Variants in FOXM1 observed in about 807,000 individuals in gnomAD.
The protein encoded by FOXM1 is forkhead box M1.
In FOXM1, 25 loss-of-function variants were observed where a neutral mutation model predicts 63.6. That is an observed-to-expected ratio of 0.39 (90% CI 0.29 to 0.55). The LOEUF is 0.55. FOXM1 is among the 20% of genes least tolerant of loss of function. The pLI, the probability that FOXM1 is intolerant of heterozygous loss-of-function variation, is 0.60. For missense variants in FOXM1, 879 were observed against 958.7 expected (o/e 0.92, Z 1.10); for synonymous variants, 387 against 376.9 (o/e 1.03, Z -0.31).
chr12:2,860,894 C>T (rs1457460033), intron 8 of FOXM1, among the ~76,000 whole-genome samples: 14 of 145,640 alleles, frequency 9.6e-5, no homozygotes, highest in African/African-American at 3.4e-4. Flanking sequence ...ACAGGCTGGG[C>T]GTGGTGGCTT....
intron 3 of FOXM1, 60 bp from the exon 4 acceptor site, chr12:2,868,814 AG>A: frequency 7.2e-7 from 1 of 1,382,110 alleles, no homozygotes; most frequent in Admixed American, 2.1e-5. Flanking sequence ...CCCCAACCCA[AG>A]CCCTTGAAGA....
intron 1 of FOXM1, among the ~76,000 whole-genome samples, chr12:2,875,243 T>A (rs1357130337): frequency 6.6e-6 from 1 of 152,188 alleles, no homozygotes; most frequent in Non-Finnish European, 1.5e-5. Context: ...TCTGCCCGCC[T>A]CGGCCTCCCA....
chr12:2,870,957 C>CAAAAAAAAAAAAAA (rs11310343), intron 3 of FOXM1, among the ~76,000 whole-genome samples: 7 of 39,124 alleles, frequency 1.8e-4, no homozygotes, highest in African/African-American at 6.2e-4. Flanking sequence ...GACTACGTCT[C>CAAAAAAAAAAAAAA]AAAAAAAAAA....
rs1487889563 is a variant in FOXM1 at position 2,859,054 on chromosome 12, G to T, written c.1876C>A (p.Leu626Ile). ...VLPRTPESWRLTPPAKVGGLD... is the reference protein window; with the variant it reads ...VLPRTPESWRITPPAKVGGLD... ...CCCCCTACTTTGGCTGGGGGCGTGA[G>T]CCTCCAGGATTCAGGGGTTCTGGGG... The change falls in exon 9 of 9, where the codon CTC becomes ATC. Residue 626 changes from leucine (L) to isoleucine (I), a missense_variant. Leu to Ile is a conservative substitution (Grantham distance 5). Around this residue, in one of 4 missense-constraint regions of FOXM1, gnomAD observed 486 missense variants for 453.5 expected, o/e 1.07. Coordinates refer to ENST00000359843, the MANE Select transcript of FOXM1 (RefSeq NM_021953.4). The T allele has an allele frequency of 6.2e-7, 1 of 1,608,736 alleles. No homozygotes were observed. The highest frequency in any genetic ancestry group is 1.7e-5 in the Admixed American group (1 of 59,628).
At chr12:2,862,008 A>G (rs1010135664) in intron 8 of FOXM1, among the ~76,000 whole-genome samples, 2 of 151,962 alleles carry the variant, frequency 1.3e-5, no homozygotes, top group Admixed American at 6.6e-5. Flanking sequence ...GTGAAACCCC[A>G]TCTCTACTAA....
At chr12:2,869,265 A>T (rs28990697) in intron 3 of FOXM1, among the ~76,000 whole-genome samples, 10,936 of 152,026 alleles carry the variant, frequency 0.072, 1,299 homozygotes, top group African/African-American at 0.25. Context: ...GAGCTGATCA[A>T]TCACATTTCT....
chr12:2,866,621 G>T, intron 4 of FOXM1, 100 bp from the exon 5 acceptor site: 1 of 1,290,268 alleles, frequency 7.8e-7, no homozygotes, highest in Non-Finnish European at 1.0e-6. Context: ...CTCCCACTGT[G>T]CTCAGCACAG....
Position 2,865,358 on chromosome 12 carries a change from T to C in FOXM1, c.1017A>G (p.Glu339=). ...AGCCAGAGGGAAAGAACCTTACTGA[T>C]TCCAAGTGCTCGGGCAATTGTGGAG... The part of the protein sequence containing the change: ...PGSPQLPEHL[E]SQQKRPNPEL... Residue 339 remains glutamate, a synonymous_variant, in exon 6 of 9, where the codon GAA becomes GAG. Transcript: ENST00000359843. 1 of 1,610,550 alleles carries C rather than the reference T, an allele frequency of 6.2e-7. No homozygotes were observed. Among genetic ancestry groups the C allele is most frequent in the Non-Finnish European group, 8.5e-7 (1 of 1,178,156 alleles).
chr12:2,863,497 T>G lies in FOXM1; in HGVS notation c.1266+823A>C, dbSNP rs28990719. Among the ~76,000 whole-genome samples, 5 of 151,640 alleles carry G rather than the reference T, an allele frequency of 3.3e-5. No individual in the cohort carries two copies. The East Asian group carries it at 9.8e-4, about 30-fold the overall frequency. On this transcript the variant is annotated intron_variant, in intron 8 of 8. Coordinates refer to ENST00000359843, the MANE Select transcript of FOXM1 (RefSeq NM_021953.4). ...TCAACCTCCTGGACTCAAGTGATCC[T>G]TCTGCCTCAGCCTCCTGAGTAGCTG...
chr12:2,873,928 C>T (rs1565478774), intron 2 of FOXM1, 49 bp downstream of exon 2: 1 of 1,564,008 alleles, frequency 6.4e-7, no homozygotes, highest in Non-Finnish European at 8.7e-7. Flanking sequence ...CTTGCCACTA[C>T]AGAGGAAAGG....
In FOXM1 at chr12:2,870,333, C is replaced by G. The variant is rs374159155; in HGVS notation, c.655-1579G>C. Among the ~76,000 whole-genome samples the G allele has an allele frequency of 3.7e-4, 56 of 152,272 alleles. 2 individuals are homozygous for G. In the South Asian group the frequency reaches 0.011, roughly 30 times the overall value. On this transcript the variant is annotated intron_variant, in intron 3 of 8. Coordinates refer to ENST00000359843, the MANE Select transcript of FOXM1 (RefSeq NM_021953.4). ...GGCTATGATCCTAAGCGATTTAATGCAGGAACAGAAAACCAAATATTGCAT... is the reference window on the plus strand; with the variant it reads ...GGCTATGATCCTAAGCGATTTAATGGAGGAACAGAAAACCAAATATTGCAT...
chr12:2,858,553 G>C lies in FOXM1; in HGVS notation c.*85C>G. 1 of 1,204,462 alleles carries C rather than the reference G, an allele frequency of 8.3e-7. No individual in the cohort carries two copies. Among genetic ancestry groups the C allele is most frequent in the Non-Finnish European group, 1.2e-6 (1 of 854,832 alleles). 74.6% of individuals were successfully genotyped at this position (1,204,462 alleles called of 1,614,324 possible). A position where few individuals can be genotyped will look rare whatever the true frequency, so the allele number is the denominator to read the frequency against. Reference sequence around the variant, plus strand: ...AGGAGCAGAACAGTCCCTGCCTGCTGTCCTCACTCAGAGGCTTGGGGTGCA... The same window carrying C: ...AGGAGCAGAACAGTCCCTGCCTGCTCTCCTCACTCAGAGGCTTGGGGTGCA... On this transcript the variant is annotated 3_prime_UTR_variant, in exon 9 of 9. Coordinates refer to ENST00000359843, the MANE Select transcript of FOXM1 (RefSeq NM_021953.4).
At chr12:2,866,152 G>A (rs2098122788) in intron 5 of FOXM1, among the ~76,000 whole-genome samples, 1 of 152,166 alleles carries the variant, frequency 6.6e-6, no homozygotes, top group South Asian at 2.1e-4. Context: ...CTGCCCTGGG[G>A]AGCCCTTTCT....
Position 2,858,452 on chromosome 12 carries a change from C to T in FOXM1, c.*186G>A, listed in dbSNP as rs1226716594. 3.4e-6 allele frequency: 2 copies of T among 581,210 alleles called. No individual in the cohort carries two copies. The highest frequency in any genetic ancestry group is 1.9e-5 in the African/African-American group (1 of 53,690). 36.0% of individuals were successfully genotyped at this position (581,210 alleles called of 1,614,324 possible). ...AGGGACAGCAGAGGAATCAGATACTCTTGGGGAACACAAGGTCCCAGCAGT... is the reference window on the plus strand; with the variant it reads ...AGGGACAGCAGAGGAATCAGATACTTTTGGGGAACACAAGGTCCCAGCAGT... On this transcript the variant is annotated 3_prime_UTR_variant, in exon 9 of 9. Coordinates refer to ENST00000359843, the MANE Select transcript of FOXM1 (RefSeq NM_021953.4).
In FOXM1 at chr12:2,864,381, G is replaced by A. The variant is rs28990715; in HGVS notation, c.1205C>T (p.Ala402Val). 14 of 1,613,964 alleles carry A rather than the reference G, an allele frequency of 8.7e-6. No individual in the cohort carries two copies. Among genetic ancestry groups the A allele is most frequent in the East Asian group, 6.7e-5 (3 of 44,874 alleles). The change falls in exon 8 of 9, where the codon GCG becomes GTG. Residue 402 changes from alanine (A) to valine (V), a missense_variant. Physicochemically the swap from Ala to Val is moderately conservative, Grantham distance 64 (BLOSUM62 0). Transcript: ENST00000359843. The surrounding 1 kb of genome is among the most constrained non-coding windows in gnomAD (Gnocchi z 5.1). ...QPSVKVPLPL[A>V]ASLMSSELAR... The stretch of plus-strand genomic sequence containing the variant: ...AAGCTCTGAGCTCATGAGGGAAGCC[G>A]CCAGGGGCAATGGCACCTTCACCGA...
intron 3 of FOXM1, among the ~76,000 whole-genome samples, chr12:2,869,529 G>A (rs577120319): frequency 6.6e-6 from 1 of 150,426 alleles, no homozygotes; most frequent in East Asian, 2.0e-4. Flanking sequence ...TCTGCCTCCT[G>A]GGTTCAAGCG....
Position 2,859,207 on chromosome 12 carries a change from G to C in FOXM1, c.1723C>G (p.Leu575Val). The C allele has an allele frequency of 6.2e-7, 1 of 1,612,068 alleles. No individual in the cohort carries two copies. The highest frequency in any genetic ancestry group is 8.5e-7 in the Non-Finnish European group (1 of 1,178,868). The change falls in exon 9 of 9, where the codon CTC becomes GTC. Residue 575 changes from leucine to valine, a missense_variant. Coordinates refer to ENST00000359843, the MANE Select transcript of FOXM1 (RefSeq NM_021953.4). ...TCAGAGGAGTCTGCTGGGAACGGGA[G>C]CTCTGCGGCCCAGCGGGAAGTACTG... ...GPSTSRWAAE[L>V]PFPADSSDPA... is the part of the protein sequence containing the mutation.
At chr12:2,859,925 T>G (rs2153931978) in intron 8 of FOXM1, 1 of 387,086 alleles carries the variant, frequency 2.6e-6, no homozygotes. Context: ...TACAAAGATT[T>G]AATGCATGAA....
rs560040205 is a variant in FOXM1 at position 2,861,274 on chromosome 12, A to T, written c.1267-1611T>A. 5.6e-6 allele frequency: 4 copies of T among 720,110 alleles called. No homozygotes were observed. In the East Asian group the frequency reaches 1.1e-4, roughly 19 times the overall value. The allele number at this position is 720,110 out of a possible 1,614,324, so 44.6% of individuals were successfully genotyped here. On this transcript the variant is annotated intron_variant, in intron 8 of 8. Coordinates refer to ENST00000359843, the MANE Select transcript of FOXM1 (RefSeq NM_021953.4). ...AGAGGACAATTCCAAGTCACCAAAC[A>T]TAATGACAAGGTGCTCAGACTTACT... is the stretch of plus-strand genomic sequence containing the variant.
Sources: gnomAD v4.1 joint callset for allele counts (sites outside exome capture counted in the v4.1 genomes callset) on GRCh38, gnomAD v4.1.1 for gene constraint, gnomAD v4.1.1 regional missense constraint, Gnocchi (gnomAD v3.1) non-coding constraint, MANE v1.5 for transcripts, NCBI Gene and HGNC (gene_info 2026-07-23, HGNC 2026-07-21) for gene names.